The following PREPL variants were observed in gnomAD, a reference collection of about 807,000 sequenced individuals.
PREPL encodes prolyl endopeptidase-like.
Under a neutral mutation model 70.6 loss-of-function variants are expected in PREPL, and 77 were observed. That is an observed-to-expected ratio of 1.09 (90% confidence interval 0.91 to 1.32). The LOEUF (loss-of-function observed/expected upper bound fraction) is 1.32. Ranked by LOEUF, PREPL falls within the 40% of genes most tolerant of loss-of-function variation. The pLI, the probability that PREPL is intolerant of heterozygous loss-of-function variation, is 0.00. For synonymous variants in PREPL, 315 were observed against 264.8 expected, an observed-to-expected ratio of 1.19 and a Z score of -1.84; for missense variants, 1,002 against 778.2, an observed-to-expected ratio of 1.29 and a Z score of -3.42.
chr2:44,322,009 A>C (rs890606710), intron 12 of PREPL, 109 bp from the exon 13 acceptor site: 2 of 1,147,550 alleles, frequency 1.7e-6, no homozygotes, highest in African/African-American at 3.1e-5. Flanking sequence ...AATAATAGTA[A>C]AGGAATAAAA....
Position 44,320,713 on chromosome 2 carries a change from C to G in PREPL, c.*643G>C, listed in dbSNP as rs1243070968. Reference sequence around the variant, plus strand: ...GCATTTGTAATAGCTTCATGTACAGCATGCTGCTTGGTGAACAATCATTAA... The same window carrying G: ...GCATTTGTAATAGCTTCATGTACAGGATGCTGCTTGGTGAACAATCATTAA... On this transcript the variant is annotated 3_prime_UTR_variant, in exon 14 of 14. Transcript: ENST00000409411. 2 of 1,128,274 alleles carry G rather than the reference C, an allele frequency of 1.8e-6. No individual in the cohort carries two copies. The highest frequency in any genetic ancestry group is 2.7e-6 in the Non-Finnish European group (2 of 740,864). The allele number at this position is 1,128,274 out of a possible 1,614,324, so 69.9% of individuals were successfully genotyped here. A position where few individuals can be genotyped will look rare whatever the true frequency, so the allele number is the denominator to read the frequency against.
chr2:44,344,369 A>G, intron 3 of PREPL, 151 bp downstream of exon 3: 1 of 645,214 alleles, frequency 1.5e-6, no homozygotes, highest in Non-Finnish European at 2.6e-6. Context: ...TATCTTACAC[A>G]AACCCAGATA....
rs1440602619 is a variant in PREPL at position 44,318,866 on chromosome 2, AATC to A, written c.*2487_*2489del. On this transcript the variant is annotated 3_prime_UTR_variant, in exon 14 of 14. Coordinates refer to ENST00000409411, the MANE Select transcript of PREPL (RefSeq NM_001171613.2). ...AAAATTGATAAAACATTCCACCAAA[AATC>A]ATGACTACGCATCTAACAGCTTCAA... 1 of 152,216 alleles carries A rather than the reference AATC, an allele frequency of 6.6e-6. No homozygotes were observed. Among genetic ancestry groups the A allele is most frequent in the Non-Finnish European group, 1.5e-5 (1 of 68,036 alleles). 9.4% of individuals were successfully genotyped at this position (152,216 alleles called of 1,614,324 possible). A position where few individuals can be genotyped will look rare whatever the true frequency, so the allele number is the denominator to read the frequency against.
intron 5 of PREPL, among the ~76,000 whole-genome samples, chr2:44,342,152 G>C (rs1333965534): frequency 6.6e-6 from 1 of 152,128 alleles, no homozygotes; most frequent in Non-Finnish European, 1.5e-5. Context: ...TCATCTTTAT[G>C]AATTTACATG....
At chr2:44,343,136 T>C (rs1480991590) in intron 4 of PREPL, among the ~76,000 whole-genome samples, 12 of 152,212 alleles carry the variant, frequency 7.9e-5, no homozygotes, top group Admixed American at 7.9e-4. Context: ...ACAAAATATA[T>C]GTCTTAGAAT....
At chr2:44,361,722 A>G (rs1289526075), upstream of PREPL, 2 of 400,098 alleles carry the variant, frequency 5.0e-6, no homozygotes, top group Admixed American at 4.6e-5. Flanking sequence ...AGGCTAAAAC[A>G]ATGAGGGACA....
At chr2:44,326,140 G>C (rs1244609320) in intron 10 of PREPL, among the ~76,000 whole-genome samples, 1 of 152,128 alleles carries the variant, frequency 6.6e-6, no homozygotes, top group Non-Finnish European at 1.5e-5. Context: ...ATGCTTCAGT[G>C]CTTTTTCACC....
At chr2:44,359,002 G>T in intron 1 of PREPL, among the ~76,000 whole-genome samples, 1 of 150,634 alleles carries the variant, frequency 6.6e-6, no homozygotes, top group East Asian at 1.9e-4. Flanking sequence ...GTCCTGAGGT[G>T]AATCATTTTT....
At chr2:44,342,282 A>G in intron 5 of PREPL, 135 bp downstream of exon 5, 1 of 748,320 alleles carries the variant, frequency 1.3e-6, no homozygotes. Context: ...CAAACAACTA[A>G]TAAAAGAATG....
rs1253183224 is a variant in PREPL at position 44,332,637 on chromosome 2, C to T, written c.908G>A (p.Gly303Glu). 1.2e-6 allele frequency: 2 copies of T among 1,613,426 alleles called. No individual in the cohort carries two copies. Among genetic ancestry groups the T allele is most frequent in the Non-Finnish European group, 1.7e-6 (2 of 1,179,534 alleles). ...RSLKLPPWAC[G>E]FIMDTNSDPK... The stretch of plus-strand genomic sequence containing the variant: ...GTCAGAATTTGTATCCATTATGAAT[C>T]CACAGGCCCAAGGAGGGAGCTAAAG... The change falls in exon 8 of 14, where the codon GGA becomes GAA. Residue 303 changes from glycine (G) to glutamate (E), a missense_variant. Physicochemically the swap from Gly to Glu is moderately conservative, Grantham distance 98. Transcript: ENST00000409411.
chr2:44,352,329 T>C (rs1013089183), intron 1 of PREPL, among the ~76,000 whole-genome samples: 9 of 152,150 alleles, frequency 5.9e-5, no homozygotes, highest in African/African-American at 1.9e-4. Context: ...AGTGGCATGA[T>C]CTCGGCTCAT....
Position 44,317,959 on chromosome 2 carries a change from AAAT to A in PREPL, c.*3394_*3396del, listed in dbSNP as rs142340658. The A allele has an allele frequency of 0.013, 3,414 of 268,742 alleles. 124 individuals carry two copies. The highest frequency in any genetic ancestry group is 0.072 in the African/African-American group (3,092 of 42,742). The allele number at this position is 268,742 out of a possible 1,614,324, so 16.6% of individuals were successfully genotyped here. A position where few individuals can be genotyped will look rare whatever the true frequency, so the allele number is the denominator to read the frequency against. On this transcript the variant is annotated 3_prime_UTR_variant, in exon 14 of 14. Coordinates refer to ENST00000409411, the MANE Select transcript of PREPL (RefSeq NM_001171613.2). The stretch of plus-strand genomic sequence containing the variant: ...GAATTAAAATGAAGATATAGCAAGC[AAAT>A]AATAGAAAGCTTGCAACCCAGCTAT...
At chr2:44,335,720 C>T (rs913992602) in intron 7 of PREPL, among the ~76,000 whole-genome samples, 3 of 151,244 alleles carry the variant, frequency 2.0e-5, no homozygotes, top group African/African-American at 7.3e-5. Flanking sequence ...AGTTCCTGCA[C>T]AGCAAAATAA....
At chr2:44,356,166 C>T (rs1046389892) in intron 1 of PREPL, 4 of 152,172 alleles carry the variant, frequency 2.6e-5, no homozygotes, top group African/African-American at 9.7e-5. Flanking sequence ...AACACTTGAT[C>T]ATCAAACATT....
chr2:44,339,205 T>C lies in PREPL; in HGVS notation c.644A>G (p.Glu215Gly), dbSNP rs757445054. ...KRIHGVLYYV[E>G]HRDDELYILT... ...AATGTATAATTCATCATCTCTGTGT[T>C]CAACATAGTAAAGGACCCCATGTAT... The change falls in exon 6 of 14, where the codon GAA (glutamate) becomes GGA (glycine). Residue 215 changes from glutamate to glycine, a missense_variant. Coordinates refer to ENST00000409411, the MANE Select transcript of PREPL (RefSeq NM_001171613.2). The C allele has an allele frequency of 6.8e-5, 110 of 1,613,952 alleles. No homozygotes were observed. Among genetic ancestry groups the C allele is most frequent in the Non-Finnish European group, 9.2e-5 (108 of 1,179,956 alleles).
In PREPL at chr2:44,343,770, A is replaced by C; in HGVS notation, c.324T>G (p.Ala108=). ...IKLSDQPVME[A]SFPNVSSFEW... is the part of the protein sequence containing the mutation. ...CAAAACTGGACACATTCGGGAAAGAAGCTTCCATTACGGGCTGATCGCTGA... is the reference window on the plus strand; with the variant it reads ...CAAAACTGGACACATTCGGGAAAGACGCTTCCATTACGGGCTGATCGCTGA... Residue 108 remains alanine, a synonymous_variant, in exon 4 of 14, where the codon GCT becomes GCG. Coordinates refer to ENST00000409411, the MANE Select transcript of PREPL (RefSeq NM_001171613.2). 1 of 1,613,930 alleles carries C rather than the reference A, an allele frequency of 6.2e-7. No homozygotes were observed.
intron 8 of PREPL, among the ~76,000 whole-genome samples, chr2:44,329,469 G>C (rs747648023): frequency 1.3e-5 from 2 of 152,220 alleles, no homozygotes; most frequent in Non-Finnish European, 2.9e-5. Context: ...AGAAGTCCTA[G>C]TATAGCACTC....
intron 1 of PREPL, among the ~76,000 whole-genome samples, chr2:44,353,495 G>A (rs698772): frequency 0.54 from 82,093 of 151,492 alleles, 24,512 homozygotes; most frequent in Non-Finnish European, 0.68. Flanking sequence ...GGCCTTGGCA[G>A]GAGAATTGTT....
intron 7 of PREPL, among the ~76,000 whole-genome samples, chr2:44,333,723 T>A (rs1462127485): frequency 6.6e-6 from 1 of 152,218 alleles, no homozygotes; most frequent in Non-Finnish European, 1.5e-5. Flanking sequence ...GAGGGTTGTT[T>A]TAAAGGATAA....
Sources: allele counts gnomAD v4.1 joint callset (sites outside exome capture counted in the v4.1 genomes callset), GRCh38; gene constraint gnomAD v4.1.1; transcripts MANE v1.5; gene names NCBI Gene and HGNC (gene_info 2026-07-23, HGNC 2026-07-21).